Variants in SLC25A32 observed in about 807,000 individuals in gnomAD.
The protein encoded by SLC25A32 is solute carrier family 25 member 32.
A neutral mutation model predicts 39.0 loss-of-function variants in SLC25A32; 32 were observed. The observed-to-expected ratio is 0.82, with a 90% CI of 0.62 to 1.10. The LOEUF is 1.10. Among genes scored for constraint, SLC25A32 ranks in the 50% least tolerant of loss-of-function variants. SLC25A32 has a pLI of 0.00. For missense variants in SLC25A32, 367 were observed against 395.3 expected (o/e 0.93, Z 0.61); for synonymous variants, 166 against 152.4 (o/e 1.09, Z -0.66).
At chr8:103,407,279 G>C in intron 2 of SLC25A32, among the ~76,000 whole-genome samples, 1 of 152,166 alleles carries the variant, frequency 6.6e-6, no homozygotes, top group East Asian at 1.9e-4. Context: ...AAAGTAATCA[G>C]TTATACATTT....
intron 2 of SLC25A32, among the ~76,000 whole-genome samples, chr8:103,407,214 T>C (rs3133813): frequency 0.22 from 33,841 of 152,194 alleles, 3,889 homozygotes; most frequent in East Asian, 0.34. Context: ...TTGGCTGTTT[T>C]TCAAATGGCT....
chr8:103,406,063 G>GTA (rs1307031590), intron 2 of SLC25A32, among the ~76,000 whole-genome samples: 15 of 128,968 alleles, frequency 1.2e-4, no homozygotes, highest in African/African-American at 3.2e-4. Context: ...GTGTGTGTGT[G>GTA]TGTATATATA....
chr8:103,408,212 C>G (rs1393559989), intron 1 of SLC25A32, among the ~76,000 whole-genome samples: 1 of 151,758 alleles, frequency 6.6e-6, no homozygotes, highest in Admixed American at 6.6e-5. Context: ...GTCTCAAACC[C>G]CTGACCTCAG....
intron 4 of SLC25A32, chr8:103,402,667 A>T (rs1816242810): frequency 6.6e-6 from 1 of 152,256 alleles, no homozygotes; most frequent in Non-Finnish European, 1.5e-5. Context: ...ATAAAATCAG[A>T]AAACAGATCT....
intron 1 of SLC25A32, among the ~76,000 whole-genome samples, chr8:103,414,062 G>A (rs1414199748): frequency 6.6e-6 from 1 of 152,196 alleles, no homozygotes; most frequent in East Asian, 1.9e-4. Context: ...ATTGCCTAAT[G>A]CTAAAATAAA....
intron 2 of SLC25A32, among the ~76,000 whole-genome samples, chr8:103,407,041 T>C (rs1321419118): frequency 6.6e-6 from 1 of 152,190 alleles, no homozygotes; most frequent in Non-Finnish European, 1.5e-5. Flanking sequence ...TCTACATCAC[T>C]TTCCAAAATC....
chr8:103,402,957 C>T (rs1441749642), intron 4 of SLC25A32, among the ~76,000 whole-genome samples: 1 of 152,112 alleles, frequency 6.6e-6, no homozygotes, highest in Non-Finnish European at 1.5e-5. Flanking sequence ...CCACCAATGT[C>T]ATGATGATAC....
At chr8:103,404,448 A>C (rs540226223) in intron 3 of SLC25A32, among the ~76,000 whole-genome samples, 10 of 152,254 alleles carry the variant, frequency 6.6e-5, no homozygotes, top group Admixed American at 5.2e-4. Context: ...ACAAAAAATT[A>C]GCTGGGCGTG....
intron 1 of SLC25A32, among the ~76,000 whole-genome samples, chr8:103,413,254 C>G (rs1020948132): frequency 6.6e-6 from 1 of 152,224 alleles, no homozygotes; most frequent in African/African-American, 2.4e-5. Flanking sequence ...CGACTATCAC[C>G]TCTTCTGCTC....
At chr8:103,412,382 T>C (rs1040892177) in intron 1 of SLC25A32, among the ~76,000 whole-genome samples, 2 of 152,250 alleles carry the variant, frequency 1.3e-5, no homozygotes, top group South Asian at 4.1e-4. Flanking sequence ...TCATTCTTTG[T>C]TGGGGCTCTC....
chr8:103,408,736 C>T (rs990180992), intron 1 of SLC25A32, among the ~76,000 whole-genome samples: 4 of 152,196 alleles, frequency 2.6e-5, no homozygotes, highest in East Asian at 1.9e-4. Flanking sequence ...ACTCAACAAA[C>T]GCCATCATCA....
In SLC25A32 at chr8:103,413,966, C is replaced by T. The variant is rs572189006; in HGVS notation, c.154+818G>A. Among the ~76,000 whole-genome samples the T allele has an allele frequency of 5.8e-4, 89 of 152,286 alleles. 1 individual carries two copies. Among genetic ancestry groups the T allele is most frequent in the Admixed American group, 1.9e-3 (29 of 15,296 alleles). On this transcript the variant is annotated intron_variant, in intron 1 of 6. Transcript: ENST00000297578. ...AACGCCTACAATTAAATTCTAAGTT[C>T]CCTGAAGGCAAGAACTTTATTAGAT...
At chr8:103,401,450 A>AC in intron 6 of SLC25A32, 66 bp downstream of exon 6, 1 of 1,477,020 alleles carries the variant, frequency 6.8e-7, no homozygotes, top group South Asian at 1.4e-5. Context: ...ACTAGTATCA[A>AC]CAGGATGGTC....
chr8:103,401,904 A>G (rs1816226636), intron 5 of SLC25A32, 37 bp downstream of exon 5: 15 of 1,549,396 alleles, frequency 9.7e-6, no homozygotes, highest in Non-Finnish European at 1.3e-5. Context: ...AATACCCATA[A>G]AAGGAAATGA....
chr8:103,411,556 CTGATATT>C (rs1163439506), intron 1 of SLC25A32, among the ~76,000 whole-genome samples: 9 of 152,284 alleles, frequency 5.9e-5, no homozygotes, highest in African/African-American at 2.2e-4. Context: ...CTTAATACAC[CTGATATT>C]GTGTAAATCC....
rs1377098710 is a variant in SLC25A32, at chr8:103,414,899, C to A, written c.39G>T (p.Ala13=). ...GQGQSASGSS[A]WSTVFRHVRY... ...GGACGTGGCGGAATACCGTGCTCCACGCCGACGACCCGGACGCCGACTGGC... is the reference window on the plus strand; with the variant it reads ...GGACGTGGCGGAATACCGTGCTCCAAGCCGACGACCCGGACGCCGACTGGC... Residue 13 remains alanine (A), a synonymous_variant, in exon 1 of 7, where the codon GCG becomes GCT. Transcript: ENST00000297578. The A allele has an allele frequency of 6.2e-7, 1 of 1,611,674 alleles. No individual in the cohort carries two copies. The highest frequency in any genetic ancestry group is 8.5e-7 in the Non-Finnish European group (1 of 1,179,304).
In SLC25A32 at chr8:103,414,971, G is replaced by A. The variant is rs746574905; in HGVS notation, c.-34C>T. 6 of 1,582,168 alleles carry A rather than the reference G, an allele frequency of 3.8e-6. No individual in the cohort carries two copies. The highest frequency in any genetic ancestry group is 1.3e-5 in the African/African-American group (1 of 74,124). On this transcript the variant is annotated 5_prime_UTR_variant, in exon 1 of 7. Transcript: ENST00000297578. ...GGCCCGTCGACACCACGGCGCCCAG[G>A]GCCGCGGAGGTGGGACGCGATGCAG... is the stretch of plus-strand genomic sequence containing the variant.
rs546072883 is a variant in SLC25A32 at position 103,398,651 on chromosome 8, G to A, written c.*1760C>T. ...CACACAAGCTTGTATGCTCTCAGAG[G>A]ACAAGAATTATGTTTTATTCATTTG... On this transcript the variant is annotated 3_prime_UTR_variant, in exon 7 of 7. Coordinates refer to ENST00000297578, the MANE Select transcript of SLC25A32 (RefSeq NM_030780.5). The A allele has an allele frequency of 1.3e-5, 2 of 152,280 alleles. No homozygotes were observed. The highest frequency in any genetic ancestry group is 4.8e-5 in the African/African-American group (2 of 41,544). The allele number at this position is 152,280 out of a possible 1,614,324, so 9.4% of individuals were successfully genotyped here. A position where few individuals can be genotyped will look rare whatever the true frequency, so the allele number is the denominator to read the frequency against.
At chr8:103,404,914 T>C in intron 2 of SLC25A32, 53 bp from the exon 3 acceptor site, 1 of 1,305,226 alleles carries the variant, frequency 7.7e-7, no homozygotes, top group Non-Finnish European at 1.1e-6. Flanking sequence ...ATTAAGTCTG[T>C]TTTAAAGTGT....
Sources: allele counts gnomAD v4.1 joint callset (sites outside exome capture counted in the v4.1 genomes callset), GRCh38; gene constraint gnomAD v4.1.1; transcripts MANE v1.5; gene names NCBI Gene and HGNC (gene_info 2026-07-23, HGNC 2026-07-21).